The following DMD variants were observed in gnomAD, a reference collection of about 807,000 sequenced individuals.
DMD encodes the protein dystrophin.
In DMD, 63 loss-of-function variants were observed where a neutral mutation model predicts 330.1. The ratio of observed to expected loss-of-function variants is 0.19; its 90% CI spans 0.16 to 0.24. The LOEUF (loss-of-function observed/expected upper bound fraction) is 0.24. Ranked by LOEUF, DMD falls within the 10% of genes least tolerant of loss-of-function variation. DMD has a pLI of 1.00. For synonymous variants in DMD, 1,223 were observed against 959.8 expected, an observed-to-expected ratio of 1.27 and a Z score of -5.07; for missense variants, 3,344 against 2,684.1, an observed-to-expected ratio of 1.25 and a Z score of -5.43.
At chrX:31,417,380 C>T (rs1193774465) in intron 60 of DMD, among the ~76,000 whole-genome samples, 3 of 110,420 alleles carry the variant, frequency 2.7e-5, no homozygotes, top group Non-Finnish European at 5.7e-5. Flanking sequence ...CAACCTCCTC[C>T]TCCCAGGTTC....
At chrX:32,842,003 G>GA (rs1360147068) in intron 4 of DMD, among the ~76,000 whole-genome samples, 1 of 111,995 alleles carries the variant, frequency 8.9e-6, no homozygotes, top group Non-Finnish European at 1.9e-5. Context: ...TTCTCTTTTT[G>GA]AAACATGCTT....
At chrX:31,442,358 A>C (rs2065011473) in intron 60 of DMD, among the ~76,000 whole-genome samples, 1 of 111,635 alleles carries the variant, frequency 9.0e-6, no homozygotes, top group Non-Finnish European at 1.9e-5. Context: ...GTTTGAAGTT[A>C]GACCTCCTAA....
chrX:32,833,219 AATT>A (rs750392044), intron 4 of DMD, among the ~76,000 whole-genome samples: 8 of 111,450 alleles, frequency 7.2e-5, no homozygotes, highest in Admixed American at 2.9e-4. Flanking sequence ...ATTGCAGGAG[AATT>A]ATTTTTAATG....
intron 43 of DMD, among the ~76,000 whole-genome samples, chrX:32,258,477 G>A (rs1458779968): frequency 1.8e-5 from 2 of 111,377 alleles, no homozygotes; most frequent in East Asian, 5.6e-4. Context: ...GGAATACTAT[G>A]CAGCCATAAA....
At chrX:32,440,450 G>A (rs1448062869) in intron 28 of DMD, among the ~76,000 whole-genome samples, 1 of 111,047 alleles carries the variant, frequency 9.0e-6, no homozygotes, top group Non-Finnish European at 1.9e-5. Context: ...TTCACATCTT[G>A]AATAATTTAT....
Position 32,205,003 on chromosome X carries a change from T to A in DMD, c.6438+11913A>T, listed in dbSNP as rs202039850. Among the ~76,000 whole-genome samples, 324 of 34,676 alleles carry A rather than the reference T, an allele frequency of 9.3e-3. 3 individuals are homozygous for A. Among genetic ancestry groups the A allele is most frequent in the Admixed American group, 0.025 (62 of 2,494 alleles). 30.1% of individuals were successfully genotyped at this position (34,676 alleles called of 115,157 possible). A position where few individuals can be genotyped will look rare whatever the true frequency, so the allele number is the denominator to read the frequency against. On this transcript the variant is annotated intron_variant, in intron 44 of 78. Coordinates refer to ENST00000357033, the MANE Select transcript of DMD (RefSeq NM_004006.3). Reference sequence around the variant, plus strand: ...CTCTCTCTCTCTCTCTCTCTCTCTCTCTCACATACACACACACACACACAC... The same window carrying A: ...CTCTCTCTCTCTCTCTCTCTCTCTCACTCACATACACACACACACACACAC...
At chrX:32,551,163 T>C (rs1191430536) in intron 16 of DMD, among the ~76,000 whole-genome samples, 1 of 110,803 alleles carries the variant, frequency 9.0e-6, no homozygotes, top group Admixed American at 9.7e-5. Context: ...TACCAAAACC[T>C]GGCAGACACA....
chrX:31,997,720 G>A (rs1210461215), intron 44 of DMD, among the ~76,000 whole-genome samples: 1 of 110,228 alleles, frequency 9.1e-6, no homozygotes, highest in Non-Finnish European at 1.9e-5. Flanking sequence ...GTATTTTCAG[G>A]CATGGATGGC....
chrX:33,267,034 T>C (rs1056926206), intron 1 of DMD, among the ~76,000 whole-genome samples: 2 of 110,969 alleles, frequency 1.8e-5, no homozygotes, highest in South Asian at 3.9e-4. Flanking sequence ...TGCATCCAAA[T>C]AGAAAAAGAA....
At chrX:31,158,154 T>C (rs1055267341) in intron 74 of DMD, among the ~76,000 whole-genome samples, 1 of 111,542 alleles carries the variant, frequency 9.0e-6, no homozygotes, top group African/African-American at 3.3e-5. Context: ...TGAATGTTCA[T>C]AGCTGCATTA....
chrX:31,328,278 G>A (rs2056905256), intron 61 of DMD, among the ~76,000 whole-genome samples: 1 of 110,462 alleles, frequency 9.1e-6, no homozygotes, highest in Non-Finnish European at 1.9e-5. Context: ...GGCTATGAAT[G>A]TTTTAAAAAC....
At chrX:32,680,630 C>T (rs1483604014) in intron 9 of DMD, among the ~76,000 whole-genome samples, 1 of 112,047 alleles carries the variant, frequency 8.9e-6, no homozygotes, top group Non-Finnish European at 1.9e-5. Flanking sequence ...TGTTAAAAGA[C>T]TCATATATTT....
chrX:33,125,140 G>A lies in DMD; in HGVS notation c.31+86142C>T, dbSNP rs547018569. 2.2e-4 allele frequency among the ~76,000 whole-genome samples: 24 copies of A among 108,578 alleles called. No individual in the cohort carries two copies. The South Asian group carries it at 9.1e-3, about 41-fold the overall frequency. The allele number at this position is 108,578 out of a possible 115,157, so 94.3% of individuals were successfully genotyped here. A position where few individuals can be genotyped will look rare whatever the true frequency, so the allele number is the denominator to read the frequency against. On this transcript the variant is annotated intron_variant, in intron 1 of 78. Coordinates refer to ENST00000357033, the MANE Select transcript of DMD (RefSeq NM_004006.3). ...AGTTGCTTTAATCATGAAAACAAAA[G>A]GGAAAAACTGGCAAGTGAGCCAGGC...
chrX:32,218,610 G>A (rs1163637387), intron 43 of DMD, among the ~76,000 whole-genome samples: 1 of 112,276 alleles, frequency 8.9e-6, no homozygotes, highest in African/African-American at 3.2e-5. Flanking sequence ...CCTGGGCAGA[G>A]AAAGGAATTA....
intron 55 of DMD, among the ~76,000 whole-genome samples, chrX:31,511,691 C>G (rs2071613617): frequency 9.2e-6 from 1 of 109,025 alleles, no homozygotes; most frequent in Non-Finnish European, 1.9e-5. Context: ...GCATAGTATT[C>G]CATGGTGTAT....
At chrX:33,330,323 A>G (rs1458486985) in intron 1 of DMD, among the ~76,000 whole-genome samples, 1 of 111,477 alleles carries the variant, frequency 9.0e-6, no homozygotes, top group East Asian at 2.8e-4. Context: ...AACCTTACGG[A>G]TTATCTAACA....
intron 2 of DMD, among the ~76,000 whole-genome samples, chrX:32,904,364 G>T (rs2086556680): frequency 1.8e-5 from 2 of 111,185 alleles, no homozygotes; most frequent in Admixed American, 1.9e-4. Context: ...CCCACTAAAT[G>T]TTTAGAAATA....
intron 39 of DMD, 84 bp downstream of exon 39, chrX:32,345,859 G>C (rs1366275613): frequency 2.6e-5 from 28 of 1,059,778 alleles, no homozygotes; most frequent in Non-Finnish European, 3.6e-5. Context: ...GTCTGAAGCA[G>C]ATTTTATTAA....
At chrX:32,597,368 A>T (rs754801109) in intron 12 of DMD, among the ~76,000 whole-genome samples, 1 of 111,931 alleles carries the variant, frequency 8.9e-6, no homozygotes, top group Non-Finnish European at 1.9e-5. Flanking sequence ...ACTATGTATT[A>T]CAAGCAAATA....
Sources: gnomAD v4.1 joint callset for allele counts (sites outside exome capture counted in the v4.1 genomes callset) on GRCh38, gnomAD v4.1.1 for gene constraint, MANE v1.5 for transcripts, NCBI Gene and HGNC (gene_info 2026-07-23, HGNC 2026-07-21) for gene names.